SEMA3A: variants seen among roughly 807,000 people sequenced by gnomAD.
SEMA3A encodes the protein semaphorin 3A.
Under a neutral mutation model 97.9 loss-of-function variants are expected in SEMA3A, and 29 were observed. That is an observed-to-expected ratio of 0.30 (90% confidence interval 0.22 to 0.40). SEMA3A has a LOEUF of 0.40. SEMA3A is among the 10% of genes least tolerant of loss of function. The probability of loss-of-function intolerance (pLI) is 1.00; values close to 1 mark genes in which losing one functional copy is unlikely to be tolerated. For synonymous variants in SEMA3A, 321 were observed against 323.7 expected (o/e 0.99, Z 0.09); for missense variants, 763 against 951.3 (o/e 0.80, Z 2.60).
intron 6 of SEMA3A, among the ~76,000 whole-genome samples, chr7:84,028,901 G>A (rs1407479159): frequency 2.6e-5 from 4 of 152,218 alleles, no homozygotes; most frequent in African/African-American, 7.2e-5. Context: ...TTACAGGCGT[G>A]AGCCACAGTG....
intron 4 of SEMA3A, among the ~76,000 whole-genome samples, chr7:84,063,528 T>G (rs1359762071): frequency 6.7e-6 from 1 of 149,530 alleles, no homozygotes; most frequent in Non-Finnish European, 1.5e-5. Context: ...TGAAAAAAAT[T>G]TAGAAGAATG....
intron 1 of SEMA3A, among the ~76,000 whole-genome samples, chr7:84,427,492 C>A (rs1804857483): frequency 6.6e-6 from 1 of 151,082 alleles, no homozygotes; most frequent in African/African-American, 2.4e-5. Flanking sequence ...ACTAAAATTA[C>A]AAAAATTAGC....
At chr7:84,175,716 T>C (rs1404590785) in intron 1 of SEMA3A, among the ~76,000 whole-genome samples, 2 of 139,612 alleles carry the variant, frequency 1.4e-5, no homozygotes, top group Non-Finnish European at 3.1e-5. Flanking sequence ...AATGTTATGG[T>C]TGGAAACCTA....
At chr7:84,056,310 T>G (rs193238510) in intron 5 of SEMA3A, among the ~76,000 whole-genome samples, 49 of 152,308 alleles carry the variant, frequency 3.2e-4, no homozygotes, top group African/African-American at 1.2e-3. Flanking sequence ...TACTCTAGAC[T>G]TTCTGCTCAA....
At chr7:84,081,392 A>AC (rs1049802281) in intron 4 of SEMA3A, among the ~76,000 whole-genome samples, 1 of 152,072 alleles carries the variant, frequency 6.6e-6, no homozygotes, top group African/African-American at 2.4e-5. Flanking sequence ...GGAGATCAAG[A>AC]CCACCCTGGC....
chr7:84,182,787 T>C (rs890383546), intron 1 of SEMA3A, among the ~76,000 whole-genome samples: 9 of 152,168 alleles, frequency 5.9e-5, no homozygotes, highest in Non-Finnish European at 1.3e-4. Context: ...GGTTCATTTT[T>C]TTCATCAGTT....
At chr7:84,034,789 C>CTT (rs5885396) in intron 6 of SEMA3A, among the ~76,000 whole-genome samples, 1 of 151,274 alleles carries the variant, frequency 6.6e-6, no homozygotes. Context: ...GTTTTTTTGT[C>CTT]TTTTTTTTCC....
chr7:83,976,920 TATC>T (rs540810937), intron 15 of SEMA3A, among the ~76,000 whole-genome samples: 2 of 152,174 alleles, frequency 1.3e-5, no homozygotes, highest in Non-Finnish European at 2.9e-5. Context: ...ATTTTGAATT[TATC>T]ATCATAATAA....
chr7:84,138,948 G>A (rs953694319), intron 1 of SEMA3A, among the ~76,000 whole-genome samples: 1 of 151,986 alleles, frequency 6.6e-6, no homozygotes, highest in Non-Finnish European at 1.5e-5. Flanking sequence ...CTAGTTCTCA[G>A]ATTCTTCAGT....
chr7:84,321,288 G>A (rs1801636058), intron 2 of SEMA3A, among the ~76,000 whole-genome samples: 1 of 152,028 alleles, frequency 6.6e-6, no homozygotes, highest in African/African-American at 2.4e-5. Context: ...GCTCTTTATT[G>A]TATGTTTTTC....
intron 1 of SEMA3A, among the ~76,000 whole-genome samples, chr7:84,473,855 G>A (rs925546554): frequency 3.3e-5 from 5 of 152,026 alleles, no homozygotes; most frequent in Non-Finnish European, 5.9e-5. Context: ...ACATTAAAAA[G>A]ACAAATATTA....
chr7:83,969,736 T>C (rs1394042395), intron 15 of SEMA3A, among the ~76,000 whole-genome samples: 1 of 152,200 alleles, frequency 6.6e-6, no homozygotes, highest in African/African-American at 2.4e-5. Context: ...AATAATGTTA[T>C]AAAAATTGAC....
intron 2 of SEMA3A, among the ~76,000 whole-genome samples, chr7:84,344,303 C>G (rs1347307065): frequency 1.3e-5 from 2 of 151,994 alleles, no homozygotes; most frequent in African/African-American, 2.4e-5. Context: ...AAAACAAACA[C>G]AAAATACACA....
At chr7:84,338,923 A>C (rs2115978640) in intron 2 of SEMA3A, among the ~76,000 whole-genome samples, 1 of 152,304 alleles carries the variant, frequency 6.6e-6, no homozygotes, top group Non-Finnish European at 1.5e-5. Context: ...GAAAAATTGG[A>C]ACAAAAACAT....
intron 6 of SEMA3A, among the ~76,000 whole-genome samples, chr7:84,027,905 G>T (rs1170422007): frequency 6.6e-6 from 1 of 152,074 alleles, no homozygotes; most frequent in Non-Finnish European, 1.5e-5. Context: ...TTATCCCATG[G>T]TTGATTACTT....
At chr7:84,340,375 T>A (rs1203860790) in intron 2 of SEMA3A, among the ~76,000 whole-genome samples, 1 of 152,188 alleles carries the variant, frequency 6.6e-6, no homozygotes, top group Non-Finnish European at 1.5e-5. Flanking sequence ...TCATACTAAA[T>A]TCAGAATGAA....
intron 1 of SEMA3A, among the ~76,000 whole-genome samples, chr7:84,184,150 A>G (rs1327169095): frequency 6.6e-6 from 1 of 152,144 alleles, no homozygotes; most frequent in Non-Finnish European, 1.5e-5. Flanking sequence ...GCAGACATTG[A>G]TCTGCCTTGC....
At chr7:84,336,471 G>A (rs1802040963) in intron 2 of SEMA3A, among the ~76,000 whole-genome samples, 1 of 152,104 alleles carries the variant, frequency 6.6e-6, no homozygotes, top group Non-Finnish European at 1.5e-5. Flanking sequence ...ATATACTATG[G>A]TAACCATAGT....
At chr7:84,158,207 T>C (rs371425076) in intron 1 of SEMA3A, among the ~76,000 whole-genome samples, 36 of 137,198 alleles carry the variant, frequency 2.6e-4, no homozygotes, top group African/African-American at 9.9e-4. Context: ...CAGGCTGGAG[T>C]GCAGTGGCGT....
Sources: gnomAD v4.1 joint callset for allele counts (sites outside exome capture counted in the v4.1 genomes callset) on GRCh38, gnomAD v4.1.1 for gene constraint, MANE v1.5 for transcripts, NCBI Gene and HGNC (gene_info 2026-07-23, HGNC 2026-07-21) for gene names.